The following PPCS variants were observed in gnomAD, a reference collection of about 807,000 sequenced individuals.
PPCS encodes the protein phosphopantothenoylcysteine synthetase, also known as phosphopantothenate--cysteine ligase.
In PPCS, 17 loss-of-function variants were observed where a neutral mutation model predicts 24.6. The ratio of observed to expected loss-of-function variants is 0.69; its 90% CI spans 0.47 to 1.04. The LOEUF (loss-of-function observed/expected upper bound fraction) is 1.04, where lower values mean the gene tolerates loss of function less well. Ranked by LOEUF, PPCS falls within the 50% of genes least tolerant of loss-of-function variation. PPCS has a pLI of 0.00. For synonymous variants in PPCS, 190 were observed against 168.3 expected (o/e 1.13, Z -1.00); for missense variants, 360 against 402.8 (o/e 0.89, Z 0.91).
chr1:42,471,670 C>T (rs1643774394), intron 2 of PPCS, among the ~76,000 whole-genome samples: 1 of 151,826 alleles, frequency 6.6e-6, no homozygotes, highest in Non-Finnish European at 1.5e-5. Context: ...TGAGTGGGGA[C>T]CAGGTGAAGG....
Position 42,460,312 on chromosome 1 carries a change from T to C in PPCS, c.*386T>C. The C allele has an allele frequency of 1.0e-6, 1 of 991,626 alleles. No individual in the cohort carries two copies. The highest frequency in any genetic ancestry group is 1.2e-6 in the Non-Finnish European group (1 of 832,756). 61.4% of individuals were successfully genotyped at this position (991,626 alleles called of 1,614,324 possible). ...GTATGTCAGGCCCTGTGCTGAGCCA[T>C]GAGGATTAAAAAGATGAATAAACAT... On this transcript the variant is annotated 3_prime_UTR_variant, in exon 3 of 3. Coordinates refer to ENST00000372561, the MANE Select transcript of PPCS (RefSeq NM_024664.4).
At chr1:42,457,181 T>A (rs775198540) in intron 1 of PPCS, 66 bp from the exon 2 acceptor site, 30 of 1,603,630 alleles carry the variant, frequency 1.9e-5, no homozygotes, top group Non-Finnish European at 2.3e-5. Flanking sequence ...GGAACCCGAG[T>A]TGAGAAGGAG....
In PPCS at chr1:42,457,176, C is replaced by G. The variant is rs1297019870; in HGVS notation, c.509-71C>G. 3.1e-6 allele frequency: 5 copies of G among 1,604,056 alleles called. No individual in the cohort carries two copies. The Admixed American group carries it at 5.0e-5, about 16-fold the overall frequency. On this transcript the variant is annotated intron_variant, in intron 1 of 2. Transcript: ENST00000372561. ...TACCCACGGATCTCAGCTGGGGAAC[C>G]CGAGTTGAGAAGGAGCTGATCCTAT...
At chr1:42,470,365 G>A (rs1313301165) in intron 2 of PPCS, among the ~76,000 whole-genome samples, 1 of 152,056 alleles carries the variant, frequency 6.6e-6, no homozygotes, top group Non-Finnish European at 1.5e-5. Context: ...TTGCTGGTAG[G>A]AACGTAAAAT....
At chr1:42,468,117 A>G (rs1405289087) in intron 2 of PPCS, among the ~76,000 whole-genome samples, 1 of 152,136 alleles carries the variant, frequency 6.6e-6, no homozygotes, top group Non-Finnish European at 1.5e-5. Flanking sequence ...CCACTCAATA[A>G]CCCTCATATA....
chr1:42,462,111 C>G (rs989712744), downstream of PPCS, among the ~76,000 whole-genome samples: 3 of 151,946 alleles, frequency 2.0e-5, no homozygotes, highest in East Asian at 3.9e-4. Context: ...GTCTTGTTAA[C>G]GCTTAAAAAC....
At position 42,456,643 on chromosome 1, in the gene PPCS, C is replaced by G; in HGVS notation, c.78C>G (p.Phe26Leu). 6.3e-7 allele frequency: 1 copy of G among 1,578,252 alleles called. No individual in the cohort carries two copies. Among genetic ancestry groups the G allele is most frequent in the Non-Finnish European group, 8.6e-7 (1 of 1,165,988 alleles). ...GCTGGGCTGAGGTTATGGCTCGCTT[C>G]GCGGCCAGGCTGGGCGCGCAGGGCC... ...AARWAEVMARFAARLGAQGRR... is the reference protein window; with the variant it reads ...AARWAEVMARLAARLGAQGRR... Residue 26 changes from phenylalanine (F) to leucine (L), a missense_variant, in exon 1 of 3, where the codon TTC becomes TTG. Around this residue, in one of 2 missense-constraint regions of PPCS, gnomAD observed 244 missense variants for 234.7 expected, o/e 1.04. Coordinates refer to ENST00000372561, the MANE Select transcript of PPCS (RefSeq NM_024664.4).
chr1:42,466,586 C>T (rs1643591505), intron 2 of PPCS, among the ~76,000 whole-genome samples: 1 of 150,612 alleles, frequency 6.6e-6, no homozygotes, highest in Non-Finnish European at 1.5e-5. Context: ...GAGCCTTGCT[C>T]TGTCGCCCAG....
At chr1:42,457,143 C>T in intron 1 of PPCS, 70 bp downstream of exon 1, 1 of 1,589,024 alleles carries the variant, frequency 6.3e-7, no homozygotes, top group African/African-American at 1.3e-5. Context: ...ATCCCCTTAC[C>T]TCCTGCTTAC....
At chr1:42,469,632 G>C (rs1643701117) in intron 2 of PPCS, among the ~76,000 whole-genome samples, 1 of 152,214 alleles carries the variant, frequency 6.6e-6, no homozygotes, top group South Asian at 2.1e-4. Context: ...AGCAGTATGG[G>C]ATGGGGCCTA....
downstream of PPCS, among the ~76,000 whole-genome samples, chr1:42,464,608 A>T (rs1423348557): frequency 6.6e-6 from 1 of 152,266 alleles, no homozygotes; most frequent in African/African-American, 2.4e-5. Flanking sequence ...CAATTGTTCT[A>T]AAAAGGCTGG....
rs1643214390 is a variant in PPCS, at chr1:42,456,878, C to T, written c.313C>T (p.Leu105=). The change falls in exon 1 of 3, where the codon CTG becomes TTG. Residue 105 remains leucine, a synonymous_variant. Transcript: ENST00000372561. ...CCCACCCCAGACTTGGCTGTCCGCTCTGCGGCCTTCGGGCCCAGCCCTTTC... is the reference window on the plus strand; with the variant it reads ...CCCACCCCAGACTTGGCTGTCCGCTTTGCGGCCTTCGGGCCCAGCCCTTTC... ...RFPPQTWLSA[L]RPSGPALSGL... 1 of 1,613,230 alleles carries T rather than the reference C, an allele frequency of 6.2e-7. No homozygotes were observed. Among genetic ancestry groups the T allele is most frequent in the Non-Finnish European group, 8.5e-7 (1 of 1,180,046 alleles).
downstream of PPCS, among the ~76,000 whole-genome samples, chr1:42,461,687 C>T (rs1408624503): frequency 2.6e-5 from 4 of 152,208 alleles, no homozygotes; most frequent in East Asian, 7.7e-4. Flanking sequence ...GCTGGGACTA[C>T]AGGCGCCCGC....
At chr1:42,456,481 G>C, upstream of PPCS, 3 of 1,372,914 alleles carry the variant, frequency 2.2e-6, no homozygotes, top group South Asian at 1.5e-5. Context: ...CACTCAGTAC[G>C]GCGCGGCGCG....
chr1:42,458,388 G>A (rs962353360), intron 2 of PPCS, among the ~76,000 whole-genome samples: 4 of 152,126 alleles, frequency 2.6e-5, no homozygotes, highest in African/African-American at 9.7e-5. Context: ...CATTTATTGG[G>A]TGATACAGGT....
intron 2 of PPCS, among the ~76,000 whole-genome samples, chr1:42,469,350 T>A (rs1260172639): frequency 1.3e-5 from 2 of 152,170 alleles, no homozygotes; most frequent in African/African-American, 2.4e-5. Flanking sequence ...GCATTTTGAG[T>A]TCATTGTTGA....
intron 2 of PPCS, among the ~76,000 whole-genome samples, chr1:42,470,761 T>C (rs1643744613): frequency 6.6e-6 from 1 of 152,172 alleles, no homozygotes; most frequent in Non-Finnish European, 1.5e-5. Flanking sequence ...GGCAGGTTTA[T>C]AGAGACAGAA....
downstream of PPCS, among the ~76,000 whole-genome samples, chr1:42,465,601 G>A (rs964026556): frequency 1.3e-5 from 2 of 152,112 alleles, no homozygotes; most frequent in African/African-American, 4.8e-5. Flanking sequence ...CTGACCCCAG[G>A]TGATCCGCCC....
intron 2 of PPCS, among the ~76,000 whole-genome samples, chr1:42,470,150 G>T (rs1304894773): frequency 6.6e-6 from 1 of 152,174 alleles, no homozygotes; most frequent in Non-Finnish European, 1.5e-5. Flanking sequence ...TTGGGTTTAG[G>T]CTTGAGGGGC....
Sources: gnomAD v4.1 joint callset for allele counts (sites outside exome capture counted in the v4.1 genomes callset) on GRCh38, gnomAD v4.1.1 for gene constraint, gnomAD v4.1.1 regional missense constraint, MANE v1.5 for transcripts, NCBI Gene and HGNC (gene_info 2026-07-23, HGNC 2026-07-21) for gene names.